The following INVS variants were observed in gnomAD, a reference collection of about 807,000 sequenced individuals.
The protein encoded by INVS is inversion of embryo turning homolog.
A neutral mutation model predicts 108.8 loss-of-function variants in INVS; 86 were observed. That is an observed-to-expected ratio of 0.79 (90% CI 0.66 to 0.95). The LOEUF is 0.95. Ranked by LOEUF, INVS falls within the 40% of genes least tolerant of loss-of-function variation. The probability of loss-of-function intolerance (pLI) is 0.00; values close to 1 mark genes in which losing one functional copy is unlikely to be tolerated. For synonymous variants in INVS, 455 were observed against 473.5 expected, an observed-to-expected ratio of 0.96 and a Z score of 0.51; for missense variants, 1,169 against 1,297.4, an observed-to-expected ratio of 0.90 and a Z score of 1.52.
chr9:100,124,843 G>A (rs891365315), intron 2 of INVS, among the ~76,000 whole-genome samples: 2 of 152,104 alleles, frequency 1.3e-5, no homozygotes, highest in Middle Eastern at 3.2e-3. Context: ...TCTGTATTAT[G>A]AGACTCTGGA....
At chr9:100,127,953 G>T (rs1827938664) in intron 3 of INVS, among the ~76,000 whole-genome samples, 1 of 152,120 alleles carries the variant, frequency 6.6e-6, no homozygotes, top group Non-Finnish European at 1.5e-5. Context: ...ATTGGGAAAA[G>T]CCGCAAAATT....
At chr9:100,289,763 C>T (rs979131075) in intron 13 of INVS, among the ~76,000 whole-genome samples, 1 of 152,230 alleles carries the variant, frequency 6.6e-6, no homozygotes, top group Non-Finnish European at 1.5e-5. Context: ...TTTATCCATT[C>T]ACCTACTGAA....
chr9:100,228,842 A>G (rs1831419872), intron 4 of INVS, among the ~76,000 whole-genome samples: 2 of 152,188 alleles, frequency 1.3e-5, no homozygotes, highest in Admixed American at 1.3e-4. Context: ...TAAATAGACA[A>G]TAGTCTCCCT....
In INVS at chr9:100,301,178, CAT is replaced by C. The variant is rs1554731861; in HGVS notation, c.*507_*508del. On this transcript the variant is annotated 3_prime_UTR_variant, in exon 17 of 17. Transcript: ENST00000262457. ...ACACACACACACACACACACACACA[CAT>C]ATCACGTCCCACTATTACTTCAAAA... is the stretch of plus-strand genomic sequence containing the variant. 0.016 allele frequency among the ~76,000 whole-genome samples: 801 copies of C among 49,152 alleles called. 4 individuals carry two copies. In the East Asian group the frequency reaches 0.33, roughly 20 times the overall value. 32.2% of individuals were successfully genotyped at this position (49,152 alleles called of 152,430 possible).
intron 3 of INVS, among the ~76,000 whole-genome samples, chr9:100,176,887 G>T (rs2119057807): frequency 6.6e-6 from 1 of 152,028 alleles, no homozygotes; most frequent in South Asian, 2.1e-4. Flanking sequence ...TAATTGGTTG[G>T]TTATGCTAAT....
intron 2 of INVS, 97 bp from the exon 3 acceptor site, chr9:100,126,286 T>C: frequency 5.2e-6 from 5 of 960,250 alleles, no homozygotes; most frequent in Non-Finnish European, 8.1e-6. Context: ...TACTTAAGCA[T>C]TTAGCACAAT....
rs1429014987 is a variant in INVS, at chr9:100,301,797, T to TTTTAG, written c.*1128_*1132dup. On this transcript the variant is annotated 3_prime_UTR_variant, in exon 17 of 17. Coordinates refer to ENST00000262457, the MANE Select transcript of INVS (RefSeq NM_014425.5). ...GAAGTGTTCACTTAATTACCTTGGT[T>TTTTAG]TTTAGTTTACTAATTATTACATTCA... 6.6e-6 allele frequency among the ~76,000 whole-genome samples: 1 copy of TTTTAG among 152,208 alleles called. No homozygotes were observed. The highest frequency in any genetic ancestry group is 1.5e-5 in the Non-Finnish European group (1 of 68,042).
intron 5 of INVS, among the ~76,000 whole-genome samples, chr9:100,232,234 G>A (rs1175163172): frequency 6.6e-6 from 1 of 151,372 alleles, no homozygotes; most frequent in Non-Finnish European, 1.5e-5. Context: ...TAAGTTCCTT[G>A]TAGATTCTGG....
chr9:100,276,080 A>G lies in INVS; in HGVS notation c.1784+3004A>G, dbSNP rs371002188. ...ATCTTTTAAATTATTCCATCTCCAC[A>G]CTGCAGTCAGCCTTGAAGGCAAACT... On this transcript the variant is annotated intron_variant, in intron 12 of 16. Transcript: ENST00000262457. Among the ~76,000 whole-genome samples the G allele has an allele frequency of 2.2e-4, 34 of 152,144 alleles. 1 individual carries two copies. The highest frequency in any genetic ancestry group is 7.5e-4 in the African/African-American group (31 of 41,518).
chr9:100,143,381 G>C (rs1446786616), intron 3 of INVS, among the ~76,000 whole-genome samples: 2 of 152,180 alleles, frequency 1.3e-5, no homozygotes, highest in African/African-American at 4.8e-5. Flanking sequence ...AGGCCATGCT[G>C]TAGCAGGCGA....
chr9:100,248,096 G>A (rs1832103694), intron 8 of INVS, among the ~76,000 whole-genome samples: 1 of 152,144 alleles, frequency 6.6e-6, no homozygotes, highest in Non-Finnish European at 1.5e-5. Context: ...GGGGTTACAG[G>A]TGTGAGCCAC....
chr9:100,243,084 AT>A (rs1361771478), intron 7 of INVS, among the ~76,000 whole-genome samples: 15 of 152,058 alleles, frequency 9.9e-5, no homozygotes, highest in Admixed American at 1.3e-4. Context: ...TTTTATACAG[AT>A]TTTATTTTAA....
chr9:100,288,861 A>G (rs1833528637), intron 13 of INVS, among the ~76,000 whole-genome samples: 1 of 152,122 alleles, frequency 6.6e-6, no homozygotes, highest in South Asian at 2.1e-4. Context: ...CCTGGACTCA[A>G]GCAAACCACC....
intron 1 of INVS, among the ~76,000 whole-genome samples, chr9:100,100,942 A>G (rs1428152795): frequency 2.4e-5 from 1 of 41,614 alleles, no homozygotes; most frequent in African/African-American, 1.1e-4. Context: ...TATATAATAT[A>G]TATACATATA....
At chr9:100,117,112 G>A (rs1018297568) in intron 2 of INVS, 12 of 1,207,818 alleles carry the variant, frequency 9.9e-6, no homozygotes, top group South Asian at 1.4e-5. Context: ...GGGGCTTGCC[G>A]ATCTTGTTCC....
chr9:100,195,688 A>G (rs999163889), intron 3 of INVS, among the ~76,000 whole-genome samples: 1 of 151,854 alleles, frequency 6.6e-6, no homozygotes, highest in Non-Finnish European at 1.5e-5. Context: ...GCATTCCACC[A>G]TGTTGGCCAG....
chr9:100,250,637 C>T (rs752939357), intron 8 of INVS, among the ~76,000 whole-genome samples: 7 of 152,176 alleles, frequency 4.6e-5, no homozygotes, highest in Non-Finnish European at 7.3e-5. Context: ...AAAATGTGTT[C>T]TAAATCATTC....
chr9:100,171,228 G>C lies in INVS; in HGVS notation c.273+44679G>C, dbSNP rs1024632935. On this transcript the variant is annotated intron_variant, in intron 3 of 16. Coordinates refer to ENST00000262457, the MANE Select transcript of INVS (RefSeq NM_014425.5). The stretch of plus-strand genomic sequence containing the variant: ...CCCAGCCTGTTTTTTATCTTTCATA[G>C]AATATTTTTACTGTATTTTTTCTAT... Among the ~76,000 whole-genome samples, 32 of 152,228 alleles carry C rather than the reference G, an allele frequency of 2.1e-4. 1 individual carries two copies. The highest frequency in any genetic ancestry group is 2.1e-4 in the South Asian group (1 of 4,818).
At chr9:100,275,483 T>C (rs1833085553) in intron 12 of INVS, among the ~76,000 whole-genome samples, 1 of 152,258 alleles carries the variant, frequency 6.6e-6, no homozygotes, top group Non-Finnish European at 1.5e-5. Flanking sequence ...GAAACTGATT[T>C]CATTTGTTCT....
Sources: gnomAD v4.1 joint callset for allele counts (sites outside exome capture counted in the v4.1 genomes callset) on GRCh38, gnomAD v4.1.1 for gene constraint, MANE v1.5 for transcripts, NCBI Gene and HGNC (gene_info 2026-07-23, HGNC 2026-07-21) for gene names.